ARMC8: variants seen among roughly 807,000 people sequenced by gnomAD.
The protein encoded by ARMC8 is armadillo repeat containing 8.
In ARMC8, 20 loss-of-function variants were observed where a neutral mutation model predicts 99.3. The ratio of observed to expected loss-of-function variants is 0.20; its 90% CI spans 0.14 to 0.29. The LOEUF is 0.29. ARMC8 is among the 10% of genes least tolerant of loss of function. The pLI, the probability that ARMC8 is intolerant of heterozygous loss-of-function variation, is 1.00. For synonymous variants in ARMC8, 263 were observed against 278.3 expected (o/e 0.95, Z 0.55); for missense variants, 569 against 809.5 (o/e 0.70, Z 3.60).
intron 6 of ARMC8, among the ~76,000 whole-genome samples, chr3:138,231,791 A>C (rs183440674): frequency 4.0e-5 from 6 of 151,438 alleles, no homozygotes; most frequent in Non-Finnish European, 7.4e-5. Context: ...GGGGGGGGAA[A>C]AAAAAAAGAC....
chr3:138,278,921 T>C (rs550996662), intron 18 of ARMC8, among the ~76,000 whole-genome samples: 1 of 152,046 alleles, frequency 6.6e-6, no homozygotes, highest in Non-Finnish European at 1.5e-5. Flanking sequence ...AAAGTCACTT[T>C]AAGTTATTTT....
intron 20 of ARMC8, 90 bp from the exon 21 acceptor site, chr3:138,290,456 G>A: frequency 1.0e-6 from 1 of 952,626 alleles, no homozygotes; most frequent in East Asian, 2.6e-5. Flanking sequence ...GGGAGTGAAG[G>A]ACACTGGTAA....
At chr3:138,275,882 CAG>C (rs1488761706) in intron 18 of ARMC8, among the ~76,000 whole-genome samples, 2 of 152,072 alleles carry the variant, frequency 1.3e-5, no homozygotes, top group Non-Finnish European at 2.9e-5. Context: ...AAATTTAACA[CAG>C]AGAAAGTATA....
intron 1 of ARMC8, among the ~76,000 whole-genome samples, chr3:138,200,871 C>T (rs1439340253): frequency 6.7e-6 from 1 of 148,996 alleles, no homozygotes; most frequent in Non-Finnish European, 1.5e-5. Context: ...TTCTCTTTCT[C>T]CCTTTGTTGA....
chr3:138,292,385 C>T (rs2051044927), intron 21 of ARMC8, among the ~76,000 whole-genome samples: 2 of 152,154 alleles, frequency 1.3e-5, no homozygotes, highest in Non-Finnish European at 2.9e-5. Flanking sequence ...TACAGAGAAC[C>T]ATCTGTAGGA....
intron 18 of ARMC8, 134 bp downstream of exon 18, chr3:138,274,678 A>G (rs1560030464): frequency 1.5e-6 from 1 of 653,690 alleles, no homozygotes; most frequent in East Asian, 2.7e-5. Context: ...ATAGGAAGAA[A>G]TATCTTCCAC....
intron 18 of ARMC8, among the ~76,000 whole-genome samples, chr3:138,276,819 A>G (rs1560034112): frequency 6.6e-6 from 1 of 152,206 alleles, no homozygotes; most frequent in Non-Finnish European, 1.5e-5. Context: ...CCCCAAGTTG[A>G]TTTATAGATT....
chr3:138,264,412 CTTTTTTTT>C (rs11298899), intron 14 of ARMC8, among the ~76,000 whole-genome samples, 200 bp downstream of exon 14: 10 of 48,630 alleles, frequency 2.1e-4, no homozygotes, highest in East Asian at 7.3e-4. Context: ...GATTTTCTTT[CTTTTTTTT>C]TTTTTTTTTT....
intron 16 of ARMC8, among the ~76,000 whole-genome samples, chr3:138,270,924 A>G (rs897535858): frequency 6.6e-6 from 1 of 152,216 alleles, no homozygotes; most frequent in Admixed American, 6.5e-5. Context: ...ACCAGACACT[A>G]AGCTGGGCGT....
chr3:138,225,560 A>G (rs2045649907), intron 5 of ARMC8, among the ~76,000 whole-genome samples: 1 of 152,116 alleles, frequency 6.6e-6, no homozygotes, highest in South Asian at 2.1e-4. Context: ...CTCACTATAC[A>G]TGTCAGTTTG....
intron 1 of ARMC8, among the ~76,000 whole-genome samples, chr3:138,208,176 A>G (rs1440054800): frequency 1.3e-5 from 2 of 152,094 alleles, no homozygotes; most frequent in Non-Finnish European, 2.9e-5. Flanking sequence ...AGAATACGAA[A>G]ATATGTGTTG....
chr3:138,246,979 TA>T, intron 12 of ARMC8: 1 of 545,394 alleles, frequency 1.8e-6, no homozygotes, highest in Non-Finnish European at 2.3e-6. Context: ...TCTGGGAAAT[TA>T]AGTGTTTGAA....
chr3:138,270,254 G>T, intron 16 of ARMC8, 122 bp downstream of exon 16: 1 of 772,028 alleles, frequency 1.3e-6, no homozygotes, highest in Non-Finnish European at 2.0e-6. Context: ...TGGCTATTTT[G>T]TTCTAGTTTT....
intron 15 of ARMC8, among the ~76,000 whole-genome samples, chr3:138,269,035 A>G (rs141956203): frequency 0.014 from 2,103 of 152,332 alleles, 24 homozygotes; most frequent in Middle Eastern, 0.027. Context: ...CTACTTTCAC[A>G]TGGTTCAGAA....
chr3:138,287,031 C>T (rs536905741), intron 19 of ARMC8, among the ~76,000 whole-genome samples: 1 of 152,338 alleles, frequency 6.6e-6, no homozygotes, highest in African/African-American at 2.4e-5. Flanking sequence ...CCACTGCCCC[C>T]ACCCTAGTCA....
At chr3:138,287,298 C>A (rs1006172966) in intron 19 of ARMC8, among the ~76,000 whole-genome samples, 3 of 152,178 alleles carry the variant, frequency 2.0e-5, no homozygotes, top group Non-Finnish European at 4.4e-5. Context: ...TTACTTCAGA[C>A]CTTTTCAGGA....
chr3:138,230,900 T>C (rs2045994940), intron 6 of ARMC8, among the ~76,000 whole-genome samples: 1 of 152,202 alleles, frequency 6.6e-6, no homozygotes, highest in Non-Finnish European at 1.5e-5. Flanking sequence ...CTCAATGCTG[T>C]TTTAGCTGAA....
At chr3:138,262,290 A>G (rs1462422497) in intron 12 of ARMC8, 3 of 446,706 alleles carry the variant, frequency 6.7e-6, no homozygotes, top group Non-Finnish European at 1.2e-5. Flanking sequence ...GCATATCAGT[A>G]AGAATGGAAT....
chr3:138,215,951 C>G (rs1428309419), intron 2 of ARMC8, among the ~76,000 whole-genome samples: 1 of 151,652 alleles, frequency 6.6e-6, no homozygotes, highest in Non-Finnish European at 1.5e-5. Context: ...ACCTCCGCCT[C>G]CCAGGTTCAA....
Sources: allele counts gnomAD v4.1 joint callset (sites outside exome capture counted in the v4.1 genomes callset), GRCh38; gene constraint gnomAD v4.1.1; transcripts MANE v1.5; gene names NCBI Gene and HGNC (gene_info 2026-07-23, HGNC 2026-07-21).